The following MGAT5 variants were observed in gnomAD, a reference collection of about 807,000 sequenced individuals.
MGAT5 encodes alpha-1,6-mannosylglycoprotein 6-beta-N-acetylglucosaminyltransferase A.
Under a neutral mutation model 94.3 loss-of-function variants are expected in MGAT5, and 30 were observed. The ratio of observed to expected loss-of-function variants is 0.32; its 90% CI spans 0.24 to 0.43. The LOEUF is 0.43. Ranked by LOEUF, MGAT5 falls within the 20% of genes least tolerant of loss-of-function variation. The probability of loss-of-function intolerance (pLI) is 1.00; values close to 1 mark genes in which losing one functional copy is unlikely to be tolerated. For synonymous variants in MGAT5, 310 were observed against 322.9 expected (o/e 0.96, Z 0.43); for missense variants, 691 against 905.5 (o/e 0.76, Z 3.04).
rs1682788573 is a variant in MGAT5 at position 134,254,161 on chromosome 2, T to C, written c.-243T>C. 3.6e-5 allele frequency: 21 copies of C among 578,914 alleles called. No individual in the cohort carries two copies. The South Asian group carries it at 4.7e-4, about 13-fold the overall frequency. The allele number at this position is 578,914 out of a possible 1,614,324, so 35.9% of individuals were successfully genotyped here. On this transcript the variant is annotated 5_prime_UTR_variant, in exon 1 of 16. Coordinates refer to ENST00000281923, the MANE Select transcript of MGAT5 (RefSeq NM_002410.5). ...GATATTGAACCAGCAAATTTAAGAGTTGACATTTTACTTAGAGGTATTCAA... is the reference window on the plus strand; with the variant it reads ...GATATTGAACCAGCAAATTTAAGAGCTGACATTTTACTTAGAGGTATTCAA...
intron 7 of MGAT5, 88 bp from the exon 8 acceptor site, chr2:134,344,842 C>A: frequency 1.3e-6 from 2 of 1,491,842 alleles, no homozygotes; most frequent in Non-Finnish European, 1.8e-6. Flanking sequence ...TTTGGGGTGG[C>A]ATTTGCCCAT....
At chr2:134,443,370 T>G (rs1385239208) in intron 15 of MGAT5, among the ~76,000 whole-genome samples, 1 of 152,158 alleles carries the variant, frequency 6.6e-6, no homozygotes, top group Non-Finnish European at 1.5e-5. Flanking sequence ...TTTTGTATTT[T>G]TAGTAGAGAC....
At chr2:134,428,706 G>A (rs1684724070) in intron 14 of MGAT5, among the ~76,000 whole-genome samples, 1 of 152,186 alleles carries the variant, frequency 6.6e-6, no homozygotes, top group Non-Finnish European at 1.5e-5. Flanking sequence ...AGATGCCCCT[G>A]ACCATCAGGG....
intron 8 of MGAT5, 29 bp from the exon 9 acceptor site, chr2:134,349,776 G>A (rs1288611041): frequency 2.5e-6 from 4 of 1,611,292 alleles, no homozygotes; most frequent in Non-Finnish European, 1.7e-6. Flanking sequence ...CAAGTATGTA[G>A]TGTTCAACAC....
chr2:134,150,086 A>G (rs141560569), intron 1 of MGAT5, among the ~76,000 whole-genome samples: 3 of 152,178 alleles, frequency 2.0e-5, no homozygotes, highest in African/African-American at 7.2e-5. Flanking sequence ...GAGGGTGAGA[A>G]TGGGTGGGGG....
chr2:134,144,435 G>A (rs893283998), intron 1 of MGAT5, among the ~76,000 whole-genome samples: 2 of 152,094 alleles, frequency 1.3e-5, no homozygotes, highest in African/African-American at 4.8e-5. Flanking sequence ...GCACCTAGGG[G>A]ATGGTGCTAA....
rs1238319245 is a variant in MGAT5, at chr2:134,277,733, T to C, written c.406+7183T>C. Among the ~76,000 whole-genome samples, 10 of 152,228 alleles carry C rather than the reference T, an allele frequency of 6.6e-5. No homozygotes were observed. In the East Asian group the frequency reaches 1.7e-3, roughly 26 times the overall value. ...GTTTAAAAGTTACATATTTGGAATA[T>C]TGACATAAAAATGGAACACTGTAGT... On this transcript the variant is annotated intron_variant, in intron 2 of 15. Transcript: ENST00000281923.
intron 1 of MGAT5, chr2:134,120,367 C>T: frequency 2.6e-6 from 1 of 379,982 alleles, no homozygotes; most frequent in Non-Finnish European, 4.7e-6. Flanking sequence ...GCAGAGGGGA[C>T]CGCGGGGGGC....
chr2:134,336,331 G>T, intron 5 of MGAT5, 43 bp downstream of exon 5: 2 of 1,496,132 alleles, frequency 1.3e-6, no homozygotes, highest in Non-Finnish European at 1.9e-6. Context: ...GTGCATTTAG[G>T]TCAGATGCCA....
At chr2:134,259,373 C>T (rs1683179507) in intron 1 of MGAT5, among the ~76,000 whole-genome samples, 1 of 152,194 alleles carries the variant, frequency 6.6e-6, no homozygotes, top group Non-Finnish European at 1.5e-5. Context: ...TCTCCAGCAG[C>T]CTGACCCAAA....
rs188645556 is a variant in MGAT5, at chr2:134,197,054, T to C, written c.-142-57208T>C. Among the ~76,000 whole-genome samples, 93 of 152,326 alleles carry C rather than the reference T, an allele frequency of 6.1e-4. 1 individual carries two copies. Among genetic ancestry groups the C allele is most frequent in the East Asian group, 1.5e-3 (8 of 5,192 alleles). On this transcript the variant is annotated intron_variant, in intron 1 of 16. Transcript: ENST00000409645. ...TTTCTTAATTAGTTCATCAAATATT[T>C]ATTGAGTTTTTACTGTGCCAGGTAC...
chr2:134,150,989 C>T (rs1039777544), intron 1 of MGAT5, among the ~76,000 whole-genome samples: 5 of 152,166 alleles, frequency 3.3e-5, no homozygotes, highest in African/African-American at 1.2e-4. Context: ...GCCAAATCTG[C>T]ACCCCACCCC....
chr2:134,286,954 T>C (rs571284970), intron 2 of MGAT5, among the ~76,000 whole-genome samples: 2 of 152,214 alleles, frequency 1.3e-5, no homozygotes, highest in Non-Finnish European at 2.9e-5. Context: ...TGTGTTCAGA[T>C]GTTTCCTGTG....
chr2:134,247,863 T>TGTCA (rs1682373082), intron 1 of MGAT5, among the ~76,000 whole-genome samples: 1 of 152,220 alleles, frequency 6.6e-6, no homozygotes, highest in Non-Finnish European at 1.5e-5. Context: ...AGTTCCTCCT[T>TGTCA]GTCACCCTTT....
At chr2:134,245,257 C>T (rs1351505878) in intron 1 of MGAT5, among the ~76,000 whole-genome samples, 1 of 152,184 alleles carries the variant, frequency 6.6e-6, no homozygotes, top group Non-Finnish European at 1.5e-5. Flanking sequence ...CGTGATCCGC[C>T]CCCTCGGCCT....
At chr2:134,150,202 C>A (rs535928884) in intron 1 of MGAT5, among the ~76,000 whole-genome samples, 4 of 152,164 alleles carry the variant, frequency 2.6e-5, no homozygotes, top group Admixed American at 2.0e-4. Flanking sequence ...TGTAAATGTT[C>A]CCTTTCCCTG....
intron 4 of MGAT5, among the ~76,000 whole-genome samples, chr2:134,322,551 T>C (rs1301613263): frequency 6.6e-6 from 1 of 152,206 alleles, no homozygotes; most frequent in Non-Finnish European, 1.5e-5. Flanking sequence ...GGGTTTGCAC[T>C]GGAATTAGCT....
At chr2:134,175,177 C>T (rs1418074378) in intron 1 of MGAT5, among the ~76,000 whole-genome samples, 1 of 152,182 alleles carries the variant, frequency 6.6e-6, no homozygotes, top group Non-Finnish European at 1.5e-5. Context: ...TGGTTCATGG[C>T]AAGAGATTTT....
chr2:134,168,823 A>T (rs1688069546), intron 1 of MGAT5, among the ~76,000 whole-genome samples: 1 of 152,170 alleles, frequency 6.6e-6, no homozygotes, highest in East Asian at 1.9e-4. Flanking sequence ...AGATAGGGAA[A>T]TCCGTGGTTG....
Sources: allele counts gnomAD v4.1 joint callset (sites outside exome capture counted in the v4.1 genomes callset), GRCh38; gene constraint gnomAD v4.1.1; transcripts MANE v1.5; gene names NCBI Gene and HGNC (gene_info 2026-07-23, HGNC 2026-07-21).